Variants in CCDC85A observed in about 807,000 individuals in gnomAD.
The protein encoded by CCDC85A is coiled-coil domain containing 85A.
In CCDC85A, 38 loss-of-function variants were observed where a neutral mutation model predicts 50.2. The ratio of observed to expected loss-of-function variants is 0.76; its 90% confidence interval spans 0.58 to 0.99. The LOEUF is 0.99. CCDC85A is among the 50% of genes least tolerant of loss of function. CCDC85A has a pLI of 0.00. For missense variants in CCDC85A, 820 were observed against 742.0 expected (o/e 1.11, Z -1.22); for synonymous variants, 366 against 301.4 (o/e 1.21, Z -2.22).
intron 3 of CCDC85A, among the ~76,000 whole-genome samples, chr2:56,361,606 T>G (rs140039779): frequency 6.6e-6 from 1 of 152,140 alleles, no homozygotes; most frequent in Admixed American, 6.5e-5. Context: ...AAAGGAAGTA[T>G]GGAAAAGAGT....
chr2:56,206,796 G>C (rs1468274678), intron 2 of CCDC85A, among the ~76,000 whole-genome samples: 1 of 152,126 alleles, frequency 6.6e-6, no homozygotes, highest in Non-Finnish European at 1.5e-5. Flanking sequence ...CAGTGCTTGA[G>C]GGCTTTATAT....
At chr2:56,314,611 T>C (rs866548037) in intron 2 of CCDC85A, among the ~76,000 whole-genome samples, 6 of 151,606 alleles carry the variant, frequency 4.0e-5, no homozygotes, top group South Asian at 4.1e-4. Flanking sequence ...CTGAAACTGA[T>C]TGACCATGGA....
In CCDC85A at chr2:56,308,745, C is replaced by T. The variant is rs571894331; in HGVS notation, c.1241-34134C>T. On this transcript the variant is annotated intron_variant, in intron 2 of 5. Coordinates refer to ENST00000407595, the MANE Select transcript of CCDC85A (RefSeq NM_001080433.2). ...ATATGTATTGAAAGTCCACCTGGCC[C>T]GACTTGTTTGGCAAATCTGCTGCAT... 7.1e-4 allele frequency among the ~76,000 whole-genome samples: 108 copies of T among 152,266 alleles called. 1 individual carries two copies. Among genetic ancestry groups the T allele is most frequent in the South Asian group, 2.5e-3 (12 of 4,812 alleles).
chr2:56,343,714 T>C (rs1674489183), intron 3 of CCDC85A, among the ~76,000 whole-genome samples: 1 of 152,142 alleles, frequency 6.6e-6, no homozygotes, highest in African/African-American at 2.4e-5. Context: ...TAACAAGAAG[T>C]TTTCCAAGAA....
chr2:56,244,492 ACAGAAGTGCCATC>A (rs1669413435), intron 2 of CCDC85A, among the ~76,000 whole-genome samples: 1 of 151,718 alleles, frequency 6.6e-6, no homozygotes, highest in Admixed American at 6.6e-5. Flanking sequence ...CAGCGTAGGT[ACAGAAGTGCCATC>A]CAAAAGCCAA....
At chr2:56,384,166 T>C (rs752171385) in intron 5 of CCDC85A, 100 bp from the exon 6 acceptor site, 9 of 997,706 alleles carry the variant, frequency 9.0e-6, no homozygotes, top group Non-Finnish European at 1.4e-5. Context: ...CTCTTGTCTT[T>C]ACTTCATCTT....
At chr2:56,259,587 C>T (rs1670135554) in intron 2 of CCDC85A, among the ~76,000 whole-genome samples, 1 of 152,194 alleles carries the variant, frequency 6.6e-6, no homozygotes, top group African/African-American at 2.4e-5. Context: ...ACCTGATCCT[C>T]CTGGCATTTT....
chr2:56,277,493 A>G (rs529644810), intron 2 of CCDC85A, among the ~76,000 whole-genome samples: 14 of 152,148 alleles, frequency 9.2e-5, no homozygotes, highest in African/African-American at 3.4e-4. Context: ...TCCATTTGAC[A>G]CTGGAGACAT....
chr2:56,213,172 C>G (rs1677250526), intron 2 of CCDC85A, among the ~76,000 whole-genome samples: 1 of 151,972 alleles, frequency 6.6e-6, no homozygotes, highest in Non-Finnish European at 1.5e-5. Context: ...TTGGTTAGGG[C>G]TCCATACTTT....
At chr2:56,352,159 G>T (rs56044104) in intron 3 of CCDC85A, among the ~76,000 whole-genome samples, 3 of 151,918 alleles carry the variant, frequency 2.0e-5, no homozygotes, top group Non-Finnish European at 4.4e-5. Context: ...TAAATATAAC[G>T]CATTAGTAAT....
At chr2:56,367,104 G>A (rs1005158969) in intron 3 of CCDC85A, among the ~76,000 whole-genome samples, 3 of 151,998 alleles carry the variant, frequency 2.0e-5, no homozygotes, top group Non-Finnish European at 2.9e-5. Context: ...TTTCCACAGA[G>A]CCCCTTCTGC....
intron 2 of CCDC85A, among the ~76,000 whole-genome samples, chr2:56,262,654 A>G (rs931862969): frequency 2.0e-5 from 3 of 152,198 alleles, no homozygotes; most frequent in East Asian, 1.9e-4. Flanking sequence ...GCAAGTGGCA[A>G]TTGTATTTGT....
intron 3 of CCDC85A, among the ~76,000 whole-genome samples, chr2:56,349,549 A>C (rs537108094): frequency 3.9e-5 from 6 of 152,308 alleles, no homozygotes; most frequent in Admixed American, 3.9e-4. Flanking sequence ...GAGGCCCTCA[A>C]AATGAGGGGA....
chr2:56,327,067 C>T (rs971788840), intron 2 of CCDC85A, among the ~76,000 whole-genome samples: 1 of 152,094 alleles, frequency 6.6e-6, no homozygotes, highest in East Asian at 1.9e-4. Flanking sequence ...TAAATATTTT[C>T]TGCTTTCCCA....
chr2:56,333,496 T>G (rs970379760), intron 2 of CCDC85A, among the ~76,000 whole-genome samples: 1 of 152,196 alleles, frequency 6.6e-6, no homozygotes, highest in African/African-American at 2.4e-5. Flanking sequence ...TTAAGAACTT[T>G]GGCCTTAATT....
At chr2:56,384,070 C>T (rs773289894) in intron 5 of CCDC85A, among the ~76,000 whole-genome samples, 196 bp from the exon 6 acceptor site, 1 of 151,702 alleles carries the variant, frequency 6.6e-6, no homozygotes, top group Non-Finnish European at 1.5e-5. Flanking sequence ...GTTTAGTAGT[C>T]CCTACTACTA....
chr2:56,302,315 T>A (rs974260097), intron 2 of CCDC85A, among the ~76,000 whole-genome samples: 4 of 152,110 alleles, frequency 2.6e-5, no homozygotes, highest in Non-Finnish European at 5.9e-5. Context: ...TCTGCCTCAT[T>A]AAAGTGAAAG....
intron 2 of CCDC85A, among the ~76,000 whole-genome samples, chr2:56,251,469 A>G (rs1458643996): frequency 6.6e-6 from 1 of 152,112 alleles, no homozygotes; most frequent in African/African-American, 2.4e-5. Context: ...TCTTCTACAA[A>G]TGCTTATTTT....
chr2:56,327,538 A>C (rs1673537501), intron 2 of CCDC85A, among the ~76,000 whole-genome samples: 1 of 152,172 alleles, frequency 6.6e-6, no homozygotes, highest in South Asian at 2.1e-4. Context: ...CTTTTATGCT[A>C]AATCAGTATG....
Sources: allele counts gnomAD v4.1 joint callset (sites outside exome capture counted in the v4.1 genomes callset), GRCh38; gene constraint gnomAD v4.1.1; transcripts MANE v1.5; gene names NCBI Gene and HGNC (gene_info 2026-07-23, HGNC 2026-07-21).